SMARCA4: variants seen among roughly 807,000 people sequenced by gnomAD.
SMARCA4 encodes SWI/SNF-related matrix-associated actin-dependent regulator of chromatin subfamily A member 4.
A neutral mutation model predicts 193.9 loss-of-function variants in SMARCA4; 31 were observed. The observed-to-expected ratio is 0.16, with a 90% CI of 0.12 to 0.22. The LOEUF (loss-of-function observed/expected upper bound fraction) is 0.22, where lower values mean the gene tolerates loss of function less well. SMARCA4 is among the 10% of genes least tolerant of loss of function. SMARCA4 has a pLI of 1.00. For synonymous variants in SMARCA4, 942 were observed against 933.1 expected (o/e 1.01, Z -0.17); for missense variants, 1,148 against 2,296.0 (o/e 0.50, Z 10.22).
intron 22 of SMARCA4, 79 bp downstream of exon 22, chr19:11,025,587 C>A: frequency 9.9e-7 from 1 of 1,014,226 alleles, no homozygotes; most frequent in Non-Finnish European, 1.6e-6. Flanking sequence ...TCCTCGACAG[C>A]TCTTTAAAAA....
intron 16 of SMARCA4, among the ~76,000 whole-genome samples, chr19:11,014,381 T>G (rs1375006590): frequency 6.6e-6 from 1 of 152,176 alleles, no homozygotes; most frequent in Non-Finnish European, 1.5e-5. Context: ...TGTGGAACTG[T>G]TTCTTTCTTC....
At chr19:10,971,705 T>C (rs1367150754) in intron 1 of SMARCA4, among the ~76,000 whole-genome samples, 3 of 151,676 alleles carry the variant, frequency 2.0e-5, no homozygotes, top group African/African-American at 4.8e-5. Flanking sequence ...TGGCCTCAAG[T>C]GATCGACCTG....
chr19:11,034,648 G>T lies in SMARCA4; in HGVS notation c.3952-266G>T, dbSNP rs1396468546. On this transcript the variant is annotated intron_variant, in intron 28 of 34. Transcript: ENST00000344626. This position sits in a 1 kb window ranked among gnomAD's most constrained non-coding sequence, Gnocchi z 7.0. ...ACCAACGCTGGGCCACGCAGCTGCT[G>T]CCCCCCTGCTGGGGTCTGCAGCCCT... Among the ~76,000 whole-genome samples the T allele has an allele frequency of 6.6e-6, 1 of 152,166 alleles. No individual in the cohort carries two copies. The highest frequency in any genetic ancestry group is 6.5e-5 in the Admixed American group (1 of 15,280).
intron 1 of SMARCA4, among the ~76,000 whole-genome samples, chr19:10,968,356 A>G (rs980007292): frequency 3.4e-4 from 52 of 152,148 alleles, no homozygotes; most frequent in Admixed American, 3.0e-3. Context: ...TACCTCCCTA[A>G]AGGGGCATAG....
intron 29 of SMARCA4, among the ~76,000 whole-genome samples, chr19:11,038,721 A>G (rs2075404247): frequency 6.6e-6 from 1 of 151,726 alleles, no homozygotes; most frequent in Admixed American, 6.6e-5. Flanking sequence ...TGCCCAGCTC[A>G]CTGGCACAGC....
chr19:11,034,312 G>A lies in SMARCA4; in HGVS notation c.3951+112G>A, dbSNP rs2075130105. 1 of 851,846 alleles carries A rather than the reference G, an allele frequency of 1.2e-6. No individual in the cohort carries two copies. The highest frequency in any genetic ancestry group is 1.4e-5 in the South Asian group (1 of 72,222). 52.8% of individuals were successfully genotyped at this position (851,846 alleles called of 1,614,324 possible). On this transcript the variant is annotated intron_variant, in intron 28 of 34. Coordinates refer to ENST00000344626, the MANE Select transcript of SMARCA4 (RefSeq NM_003072.5). This position sits in a 1 kb window ranked among gnomAD's most constrained non-coding sequence, Gnocchi z 7.0. ...GTATCCCTAGCAGGTCAGGGAGCCA[G>A]GGACAGCTCACAGTGCAGCCCACTC...
chr19:10,967,926 G>T (rs751212504), intron 1 of SMARCA4, among the ~76,000 whole-genome samples: 3 of 151,242 alleles, frequency 2.0e-5, no homozygotes, highest in African/African-American at 4.9e-5. Flanking sequence ...GCCCAGGCTG[G>T]AGTGCAATGG....
In SMARCA4 at chr19:11,033,015, G is replaced by A. The variant is rs1490751061; in HGVS notation, c.3547-275G>A. 7.2e-6 allele frequency: 4 copies of A among 554,802 alleles called. No individual in the cohort carries two copies. The highest frequency in any genetic ancestry group is 5.6e-5 in the African/African-American group (3 of 53,200). The allele number at this position is 554,802 out of a possible 1,614,324, so 34.4% of individuals were successfully genotyped here. ...GCTGCTTGAGAATATAATCCCCTGG[G>A]GGGTTGGTGCTTTCTTCCCGAATAT... On this transcript the variant is annotated intron_variant, in intron 25 of 34. Transcript: ENST00000344626. This position sits in a 1 kb window ranked among gnomAD's most constrained non-coding sequence, Gnocchi z 9.8.
At chr19:10,996,971 C>G (rs1168430398) in intron 11 of SMARCA4, among the ~76,000 whole-genome samples, 1 of 151,846 alleles carries the variant, frequency 6.6e-6, no homozygotes, top group African/African-American at 2.4e-5. Context: ...CTCAAGTGAT[C>G]CTACCCTTCG....
At chr19:11,039,801 G>A (rs764583716) in intron 29 of SMARCA4, 10 of 294,266 alleles carry the variant, frequency 3.4e-5, no homozygotes, top group Middle Eastern at 9.5e-4. Context: ...TTTAAAAATC[G>A]GCTGGGCGCG....
intron 24 of SMARCA4, among the ~76,000 whole-genome samples, chr19:11,029,592 G>A (rs1044055254): frequency 3.3e-5 from 5 of 152,378 alleles, no homozygotes; most frequent in Admixed American, 2.6e-4. Flanking sequence ...AGGGTGGGAC[G>A]GCAGGTGGAT....
chr19:10,996,678 T>C, intron 11 of SMARCA4, 134 bp downstream of exon 11: 5 of 874,514 alleles, frequency 5.7e-6, no homozygotes, highest in Non-Finnish European at 9.5e-6. Flanking sequence ...CAGGGTGTCC[T>C]CTGACGCCCA....
At chr19:11,001,252 T>G (rs1489446405) in intron 11 of SMARCA4, among the ~76,000 whole-genome samples, 2 of 151,992 alleles carry the variant, frequency 1.3e-5, no homozygotes, top group Non-Finnish European at 2.9e-5. Flanking sequence ...GAGGATTGCT[T>G]TAGTCCAGGA....
intron 1 of SMARCA4, among the ~76,000 whole-genome samples, chr19:10,964,146 A>C (rs2084029657): frequency 6.6e-6 from 1 of 151,950 alleles, no homozygotes; most frequent in Non-Finnish European, 1.5e-5. Context: ...ATTCCAACAT[A>C]TGTGTATTTA....
chr19:11,056,268 T>C (rs2076542137), intron 30 of SMARCA4: 3 of 152,152 alleles, frequency 2.0e-5, no homozygotes, highest in African/African-American at 7.2e-5. Flanking sequence ...TCTGAGCCTG[T>C]GGACTGGGTT....
Position 10,985,342 on chromosome 19 carries a change from A to T in SMARCA4, c.292A>T (p.Met98Leu). The T allele has an allele frequency of 6.2e-7, 1 of 1,614,020 alleles. No homozygotes were observed. Among genetic ancestry groups the T allele is most frequent in the Non-Finnish European group, 8.5e-7 (1 of 1,179,978 alleles). Residue 98 changes from methionine to leucine, a missense_variant, in exon 3 of 35, where the codon ATG (methionine) becomes TTG (leucine). Transcript: ENST00000344626. The surrounding 1 kb of genome is among the most constrained non-coding windows in gnomAD (Gnocchi z 4.5). Reference protein sequence around the residue: ...PRYNQMKGMGMRSGGHAGMGP... With the variant: ...PRYNQMKGMGLRSGGHAGMGP... The stretch of plus-strand genomic sequence containing the variant: ...CTACAACCAGATGAAAGGAATGGGG[A>T]TGCGGTCAGGGGGCCATGCTGGGAT...
intron 30 of SMARCA4, among the ~76,000 whole-genome samples, chr19:11,055,235 G>A (rs1185886699): frequency 6.6e-6 from 1 of 152,116 alleles, no homozygotes; most frequent in South Asian, 2.1e-4. Flanking sequence ...TGTCGCCCAG[G>A]CTAGAATGCA....
rs774391397 is a variant in SMARCA4 at position 11,058,348 on chromosome 19, C to T, written c.4518C>T (p.Asp1506=). Residue 1506 remains aspartate (D), a synonymous_variant, in exon 31 of 35, where the codon GAC becomes GAT. Coordinates refer to ENST00000344626, the MANE Select transcript of SMARCA4 (RefSeq NM_003072.5). This position sits in a 1 kb window ranked among gnomAD's most constrained non-coding sequence, Gnocchi z 5.8. ...EYYELIRKPV[D]FKKIKERIRN... ...ACGAGCTCATCCGCAAGCCCGTGGACTTCAAGAAGATAAAGGTAACCCTGA... is the reference window on the plus strand; with the variant it reads ...ACGAGCTCATCCGCAAGCCCGTGGATTTCAAGAAGATAAAGGTAACCCTGA... The T allele has an allele frequency of 5.0e-5, 80 of 1,611,428 alleles. No individual in the cohort carries two copies. Among genetic ancestry groups the T allele is most frequent in the Non-Finnish European group, 6.1e-5 (72 of 1,177,980 alleles).
rs547156094 is a variant in SMARCA4, at chr19:10,984,924, A to G, written c.223-349A>G. Among the ~76,000 whole-genome samples the G allele has an allele frequency of 6.6e-6, 1 of 152,310 alleles. No homozygotes were observed. Among genetic ancestry groups the G allele is most frequent in the Non-Finnish European group, 1.5e-5 (1 of 68,032 alleles). ...ATGTGGTTAGAGGACATATTCCCTTATACATACAGCATCTGAAAGGAAAGG... is the reference window on the plus strand; with the variant it reads ...ATGTGGTTAGAGGACATATTCCCTTGTACATACAGCATCTGAAAGGAAAGG... On this transcript the variant is annotated intron_variant, in intron 2 of 34. Coordinates refer to ENST00000344626, the MANE Select transcript of SMARCA4 (RefSeq NM_003072.5). The surrounding 1 kb of genome is among the most constrained non-coding windows in gnomAD (Gnocchi z 4.3).
Sources: gnomAD v4.1 joint callset for allele counts (sites outside exome capture counted in the v4.1 genomes callset) on GRCh38, gnomAD v4.1.1 for gene constraint, Gnocchi (gnomAD v3.1) non-coding constraint, MANE v1.5 for transcripts, NCBI Gene and HGNC (gene_info 2026-07-23, HGNC 2026-07-21) for gene names.